Variants in CYP2E1 observed in about 807,000 individuals in gnomAD.
The protein encoded by CYP2E1 is cytochrome P450 family 2 subfamily E member 1.
Under a neutral mutation model 42.9 loss-of-function variants are expected in CYP2E1, and 31 were observed. The observed-to-expected ratio is 0.72, with a 90% CI of 0.54 to 0.98. The LOEUF (loss-of-function observed/expected upper bound fraction) is 0.98, where lower values mean the gene tolerates loss of function less well. CYP2E1 is among the 50% of genes least tolerant of loss of function. The pLI is 0.00. For missense variants in CYP2E1, 565 were observed against 633.2 expected, an observed-to-expected ratio of 0.89 and a Z score of 1.16; for synonymous variants, 244 against 248.9, an observed-to-expected ratio of 0.98 and a Z score of 0.19.
intron 6 of CYP2E1, among the ~76,000 whole-genome samples, chr10:133,536,028 CA>C (rs1851390599): frequency 6.6e-6 from 1 of 152,182 alleles, no homozygotes; most frequent in African/African-American, 2.4e-5. Flanking sequence ...GTCAGAAAGA[CA>C]GAGGCTTTCA....
Position 133,538,993 on chromosome 10 carries a change from C to T in CYP2E1, c.*29C>T. Reference sequence around the variant, plus strand: ...TGTGGAGGACACCCTGAACCCCCCGCTTTCAAACAAGTTTTCAAATTGTTT... The same window carrying T: ...TGTGGAGGACACCCTGAACCCCCCGTTTTCAAACAAGTTTTCAAATTGTTT... On this transcript the variant is annotated 3_prime_UTR_variant, in exon 9 of 9. Transcript: ENST00000252945. 2 of 1,533,796 alleles carry T rather than the reference C, an allele frequency of 1.3e-6. No individual in the cohort carries two copies. The highest frequency in any genetic ancestry group is 1.8e-6 in the Non-Finnish European group (2 of 1,138,184).
At chr10:133,536,686 TGGATGGATGGGA>T (rs2133599677) in intron 6 of CYP2E1, among the ~76,000 whole-genome samples, 1 of 116,718 alleles carries the variant, frequency 8.6e-6, no homozygotes, top group South Asian at 2.9e-4. Flanking sequence ...AATGGGTGGA[TGGATGGATGGGA>T]GGGTGGATAA....
intron 1 of CYP2E1, chr10:133,528,196 G>A (rs1446398510): frequency 5.9e-6 from 2 of 337,716 alleles, no homozygotes; most frequent in South Asian, 1.2e-4. Flanking sequence ...CGCGCCTGAG[G>A]GAAGGGACGT....
intron 3 of CYP2E1, 99 bp downstream of exon 3, chr10:133,531,833 C>G (rs987378208): frequency 1.6e-6 from 2 of 1,281,504 alleles, no homozygotes; most frequent in Admixed American, 2.6e-5. Context: ...CCACAGGGAC[C>G]TACGGACAAG....
intron 2 of CYP2E1, among the ~76,000 whole-genome samples, chr10:133,529,229 C>G (rs1018034699): frequency 1.3e-5 from 2 of 152,224 alleles, no homozygotes; most frequent in African/African-American, 4.8e-5. Context: ...GCCCCGAGTT[C>G]AGCATAAGCA....
chr10:133,537,088 G>A lies in CYP2E1; in HGVS notation c.993G>A (p.Arg331=), dbSNP rs376820271. ...IEEKLHEEID[R]VIGPSRIPAI... ...AGAAGCTCCATGAAGAAATTGACAG[G>A]GTGATTGGGCCAAGCCGAATCCCTG... is the stretch of plus-strand genomic sequence containing the variant. The change falls in exon 7 of 9, where the codon AGG becomes AGA. Residue 331 remains arginine (R), a synonymous_variant. Transcript: ENST00000252945. 2.1e-5 allele frequency: 34 copies of A among 1,613,660 alleles called. No individual in the cohort carries two copies. In the African/African-American group the frequency reaches 3.9e-4, roughly 18 times the overall value.
At chr10:133,530,043 G>T (rs1294325290) in intron 2 of CYP2E1, among the ~76,000 whole-genome samples, 1 of 152,126 alleles carries the variant, frequency 6.6e-6, no homozygotes, top group Non-Finnish European at 1.5e-5. Flanking sequence ...GCAGGGAGGG[G>T]AGCGGAATTC....
intron 4 of CYP2E1, among the ~76,000 whole-genome samples, 165 bp downstream of exon 4, chr10:133,532,449 T>G (rs945296363): frequency 2.0e-5 from 3 of 152,158 alleles, no homozygotes. Context: ...GAGACATCTC[T>G]GGGGCCCCAC....
chr10:133,528,672 G>A, intron 2 of CYP2E1, 32 bp downstream of exon 2: 1 of 1,611,052 alleles, frequency 6.2e-7, no homozygotes. Context: ...GGAGCGGGGG[G>A]TGCATAACAC....
At chr10:133,527,639 A>G (rs1851286536) in intron 1 of CYP2E1, 67 bp downstream of exon 1, 1 of 1,304,518 alleles carries the variant, frequency 7.7e-7, no homozygotes, top group East Asian at 2.3e-5. Flanking sequence ...TGTGTATTCA[A>G]CTCATTTGCA....
intron 3 of CYP2E1, 129 bp downstream of exon 3, chr10:133,531,863 C>G: frequency 1.0e-6 from 1 of 983,044 alleles, no homozygotes. Context: ...TCGTGAGTCC[C>G]CAGATACTGC....
At position 133,533,785 on chromosome 10, in the gene CYP2E1, A is replaced by G. The variant is rs780017354; in HGVS notation, c.855A>G (p.Thr285=). ...KEKHSAERLY[T]MDGITVTVAD... is the part of the protein sequence containing the mutation. Reference sequence around the variant, plus strand: ...AGCACAGTGCAGAGCGCTTGTACACAATGGACGGTATCACCGTGACTGTGG... The same window carrying G: ...AGCACAGTGCAGAGCGCTTGTACACGATGGACGGTATCACCGTGACTGTGG... The change falls in exon 6 of 9, where the codon ACA becomes ACG. Residue 285 remains threonine, a synonymous_variant. Coordinates refer to ENST00000252945, the MANE Select transcript of CYP2E1 (RefSeq NM_000773.4). The G allele has an allele frequency of 4.1e-5, 66 of 1,614,054 alleles. No individual in the cohort carries two copies. Among genetic ancestry groups the G allele is most frequent in the East Asian group, 2.5e-4 (11 of 44,894 alleles).
At chr10:133,530,629 A>G (rs944200434) in intron 2 of CYP2E1, among the ~76,000 whole-genome samples, 2 of 152,202 alleles carry the variant, frequency 1.3e-5, no homozygotes, top group Non-Finnish European at 1.5e-5. Context: ...ATGAAGCTGC[A>G]TAGGACATGA....
chr10:133,536,535 AGATGGGTG>A (rs1316802244), intron 6 of CYP2E1, among the ~76,000 whole-genome samples: 1 of 24,246 alleles, frequency 4.1e-5, no homozygotes, highest in African/African-American at 6.0e-5. Flanking sequence ...TTGGATGTAT[AGATGGGTG>A]GATGGGTGGA....
intron 5 of CYP2E1, 59 bp downstream of exon 5, chr10:133,532,927 C>G: frequency 6.8e-7 from 1 of 1,472,628 alleles, no homozygotes; most frequent in Non-Finnish European, 9.1e-7. Flanking sequence ...TGCACAATTT[C>G]AGATTTACAG....
intron 6 of CYP2E1, among the ~76,000 whole-genome samples, chr10:133,535,569 C>G (rs544889261): frequency 6.6e-6 from 1 of 152,084 alleles, no homozygotes; most frequent in African/African-American, 2.4e-5. Flanking sequence ...AGAGAACTTT[C>G]GACTACTCTG....
rs41299434 is a variant in CYP2E1, at chr10:133,537,192, C to G, written c.1097C>G (p.Ser366Cys). ...EIQRFITLVP[S>C]NLPHEATRDT... ...CAGCGGTTCATCACCCTCGTGCCCT[C>G]CAACCTGCCCCATGAAGCAACCCGA... The change falls in exon 7 of 9, where the codon TCC (serine) becomes TGC (cysteine). Residue 366 changes from serine (S) to cysteine (C), a missense_variant. Coordinates refer to ENST00000252945, the MANE Select transcript of CYP2E1 (RefSeq NM_000773.4). 1.9e-6 allele frequency: 3 copies of G among 1,614,090 alleles called. No individual in the cohort carries two copies. The East Asian group carries it at 6.7e-5, about 36-fold the overall frequency.
chr10:133,531,933 G>T, intron 3 of CYP2E1, 191 bp from the exon 4 acceptor site: 2 of 742,660 alleles, frequency 2.7e-6, no homozygotes, highest in East Asian at 2.7e-5. Context: ...CATTAAACAC[G>T]TGACTTGTAT....
chr10:133,536,531 GTATA>G lies in CYP2E1; in HGVS notation c.968-531_968-528del, dbSNP rs138580673. 4.5e-3 allele frequency among the ~76,000 whole-genome samples: 157 copies of G among 34,598 alleles called. 1 individual carries two copies. The highest frequency in any genetic ancestry group is 0.014 in the Non-Finnish European group (67 of 4,892). 22.7% of individuals were successfully genotyped at this position (34,598 alleles called of 152,430 possible). ...TGGGTGGATGGGTGGATGGTTGGAT[GTATA>G]GATGGGTGGATGGGTGGATGCTTGG... On this transcript the variant is annotated intron_variant, in intron 6 of 8. Transcript: ENST00000252945.
Sources: gnomAD v4.1 joint callset for allele counts (sites outside exome capture counted in the v4.1 genomes callset) on GRCh38, gnomAD v4.1.1 for gene constraint, MANE v1.5 for transcripts, NCBI Gene and HGNC (gene_info 2026-07-23, HGNC 2026-07-21) for gene names.